ADGB: variants seen among roughly 807,000 people sequenced by gnomAD.
ADGB encodes calpain-7-like protein.
Under a neutral mutation model 210.5 loss-of-function variants are expected in ADGB, and 172 were observed. That is an observed-to-expected ratio of 0.82 (90% confidence interval 0.72 to 0.93). The LOEUF (loss-of-function observed/expected upper bound fraction) is 0.93. ADGB is among the 40% of genes least tolerant of loss of function. The pLI is 0.00. For missense variants in ADGB, 2,025 were observed against 1,964.8 expected, an observed-to-expected ratio of 1.03 and a Z score of -0.58; for synonymous variants, 658 against 662.7, an observed-to-expected ratio of 0.99 and a Z score of 0.11.
intron 1 of ADGB, among the ~76,000 whole-genome samples, chr6:146,631,937 T>A (rs1011454001): frequency 2.6e-5 from 4 of 151,370 alleles, no homozygotes; most frequent in African/African-American, 7.3e-5. Context: ...GCTAGCTGCA[T>A]TTAGGTCTCC....
intron 2 of ADGB, among the ~76,000 whole-genome samples, chr6:146,638,610 G>GT: frequency 1.9e-5 from 1 of 52,894 alleles, no homozygotes; most frequent in African/African-American, 4.5e-5. Flanking sequence ...GTTGTGGGGT[G>GT]GGGGGGGGGG....
At chr6:146,746,930 T>TA (rs138372510) in intron 26 of ADGB, among the ~76,000 whole-genome samples, 6,665 of 151,516 alleles carry the variant, frequency 0.044, 330 homozygotes, top group African/African-American at 0.12. Context: ...CCTCTCCACT[T>TA]AAAAAAAAAT....
chr6:146,662,162 G>T (rs76915127), intron 5 of ADGB, among the ~76,000 whole-genome samples: 362 of 152,090 alleles, frequency 2.4e-3, no homozygotes, highest in Middle Eastern at 6.9e-3. Context: ...GAGTTTGTAG[G>T]TTTATGTCTT....
intron 35 of ADGB, chr6:146,803,779 C>A (rs541615113): frequency 2.7e-5 from 17 of 621,004 alleles, no homozygotes; most frequent in Non-Finnish European, 3.9e-5. Context: ...ACAATCAGCG[C>A]CCGGCAGCCT....
intron 29 of ADGB, among the ~76,000 whole-genome samples, chr6:146,777,016 C>G (rs1294303887): frequency 1.3e-5 from 2 of 152,058 alleles, no homozygotes; most frequent in East Asian, 1.9e-4. Context: ...GCAGAAGGGA[C>G]AGTTTCCACT....
chr6:146,736,576 C>T lies in ADGB; in HGVS notation c.2873C>T (p.Ala958Val). 2 of 1,546,576 alleles carry T rather than the reference C, an allele frequency of 1.3e-6. No homozygotes were observed. Among genetic ancestry groups the T allele is most frequent in the Admixed American group, 2.0e-5 (1 of 50,470 alleles). ...TTGGAAATGAATTTAGAACAGTATG[C>T]AGTTTCTCTCTTAAGGTAAAGCAGT... ...AVLEMNLEQY[A>V]VSLLRLMFKS... Residue 958 changes from alanine (A) to valine (V), a missense_variant, in exon 23 of 36, where the codon GCA (alanine) becomes GTA (valine). By Grantham distance (64) the Ala-to-Val change is moderately conservative. Coordinates refer to ENST00000397944, the MANE Select transcript of ADGB (RefSeq NM_024694.4).
chr6:146,796,739 A>G (rs1583643478), intron 33 of ADGB, among the ~76,000 whole-genome samples: 1 of 152,174 alleles, frequency 6.6e-6, no homozygotes, highest in East Asian at 1.9e-4. Flanking sequence ...ACTTAAATCT[A>G]AGACCAGAAA....
chr6:146,773,804 T>C (rs1777687108), intron 29 of ADGB, among the ~76,000 whole-genome samples: 1 of 152,156 alleles, frequency 6.6e-6, no homozygotes. Flanking sequence ...CTGGTGGTAG[T>C]GGTGATATTG....
In ADGB at chr6:146,781,763, G is replaced by GTGAT. The variant is rs373548981; in HGVS notation, c.3863-256_3863-253dup. On this transcript the variant is annotated intron_variant, in intron 29 of 35. Transcript: ENST00000397944. ...CATATTGGAAATAAATTGTATAGTG[G>GTGAT]TGATGGTTACACAGTCTTATAAATG... Among the ~76,000 whole-genome samples, 1,051 of 152,226 alleles carry GTGAT rather than the reference G, an allele frequency of 6.9e-3. 11 individuals are homozygous for GTGAT. The highest frequency in any genetic ancestry group is 0.024 in the African/African-American group (998 of 41,540).
chr6:146,690,499 C>T (rs538568262), intron 10 of ADGB, among the ~76,000 whole-genome samples: 16 of 152,254 alleles, frequency 1.1e-4, no homozygotes, highest in South Asian at 6.2e-4. Context: ...AAATCAGTAA[C>T]GTAAGTTCTA....
At chr6:146,766,938 C>G (rs893775508) in intron 28 of ADGB, among the ~76,000 whole-genome samples, 3 of 152,120 alleles carry the variant, frequency 2.0e-5, no homozygotes, top group African/African-American at 7.2e-5. Context: ...GTATTAGTCA[C>G]TACAGTAATA....
At chr6:146,732,178 T>C (rs1407031319) in intron 20 of ADGB, among the ~76,000 whole-genome samples, 1 of 152,194 alleles carries the variant, frequency 6.6e-6, no homozygotes, top group Non-Finnish European at 1.5e-5. Context: ...GATCCACGGG[T>C]ATGTTAGCTG....
chr6:146,630,054 T>A (rs1042607579), intron 1 of ADGB, among the ~76,000 whole-genome samples: 17 of 151,266 alleles, frequency 1.1e-4, no homozygotes, highest in African/African-American at 4.1e-4. Context: ...CTGGCCAACA[T>A]GATGAAACTC....
intron 16 of ADGB, among the ~76,000 whole-genome samples, chr6:146,720,918 ACAGGTATATAT>A (rs1358946022): frequency 6.6e-6 from 1 of 152,206 alleles, no homozygotes; most frequent in Non-Finnish European, 1.5e-5. Flanking sequence ...CCAAACCACG[ACAGGTATATAT>A]CTGAAGCTCC....
intron 33 of ADGB, among the ~76,000 whole-genome samples, chr6:146,791,921 CTTTTTT>C (rs66891404): frequency 2.1e-4 from 24 of 112,478 alleles, no homozygotes; most frequent in African/African-American, 6.1e-4. Context: ...CTGCACCTTG[CTTTTTT>C]TTTTTTTTTT....
intron 27 of ADGB, among the ~76,000 whole-genome samples, chr6:146,755,791 T>C (rs1013773419): frequency 4.0e-5 from 6 of 151,788 alleles, no homozygotes; most frequent in Non-Finnish European, 8.8e-5. Flanking sequence ...CATCTTCTAG[T>C]TGACCTTTGC....
In ADGB at chr6:146,726,212, A is replaced by G. The variant is rs1025628623; in HGVS notation, c.2352+15A>G. 1 of 1,476,390 alleles carries G rather than the reference A, an allele frequency of 6.8e-7. No individual in the cohort carries two copies. Among genetic ancestry groups the G allele is most frequent in the Non-Finnish European group, 9.3e-7 (1 of 1,079,604 alleles). The allele number at this position is 1,476,390 out of a possible 1,614,324, so 91.5% of individuals were successfully genotyped here. On this transcript the variant is annotated intron_variant, in intron 19 of 35. Coordinates refer to ENST00000397944, the MANE Select transcript of ADGB (RefSeq NM_024694.4). Reference sequence around the variant, plus strand: ...ACTTTGAACCAGTAAGTATTTTTGCAACAGCAAGTTATTTATTTATTTATT... The same window carrying G: ...ACTTTGAACCAGTAAGTATTTTTGCGACAGCAAGTTATTTATTTATTTATT...
chr6:146,664,541 C>A, intron 6 of ADGB: 1 of 469,010 alleles, frequency 2.1e-6, no homozygotes, highest in Non-Finnish European at 3.6e-6. Flanking sequence ...CAAAATTCCT[C>A]CAAGAAAAAT....
At chr6:146,703,368 T>C (rs1776521361) in intron 13 of ADGB, among the ~76,000 whole-genome samples, 1 of 151,886 alleles carries the variant, frequency 6.6e-6, no homozygotes, top group Non-Finnish European at 1.5e-5. Flanking sequence ...CACGTTCCTT[T>C]CATTTTTTGT....
Sources: allele counts gnomAD v4.1 joint callset (sites outside exome capture counted in the v4.1 genomes callset), GRCh38; gene constraint gnomAD v4.1.1; transcripts MANE v1.5; gene names NCBI Gene and HGNC (gene_info 2026-07-23, HGNC 2026-07-21).